The following TNRC6C variants were observed in gnomAD, a reference collection of about 807,000 sequenced individuals.
TNRC6C encodes the protein trinucleotide repeat-containing gene 6C protein.
Under a neutral mutation model 153.7 loss-of-function variants are expected in TNRC6C, and 20 were observed. The ratio of observed to expected loss-of-function variants is 0.13; its 90% CI spans 0.09 to 0.19. The LOEUF is 0.19. Among genes scored for constraint, TNRC6C ranks in the 10% least tolerant of loss-of-function variants. The probability of loss-of-function intolerance (pLI) is 1.00; values close to 1 mark genes in which losing one functional copy is unlikely to be tolerated. For missense variants in TNRC6C, 1,987 were observed against 2,172.0 expected (o/e 0.91, Z 1.69); for synonymous variants, 811 against 841.4 (o/e 0.96, Z 0.63).
chr17:77,967,818 A>T (rs1390719469), intron 1 of TNRC6C, among the ~76,000 whole-genome samples: 2 of 152,234 alleles, frequency 1.3e-5, no homozygotes, highest in Admixed American at 6.5e-5. Context: ...TAATGAGATT[A>T]TTCTGGCCAA....
chr17:77,977,954 G>A (rs1254512498), intron 1 of TNRC6C, among the ~76,000 whole-genome samples: 2 of 144,090 alleles, frequency 1.4e-5, no homozygotes, highest in African/African-American at 5.3e-5. Flanking sequence ...GGAGTGCAGT[G>A]GCGCAATCTC....
At chr17:78,030,333 T>C (rs1361495192) in intron 1 of TNRC6C, among the ~76,000 whole-genome samples, 1 of 151,892 alleles carries the variant, frequency 6.6e-6, no homozygotes, top group African/African-American at 2.4e-5. Context: ...TGCGTGTGTG[T>C]GTGTGTGTGT....
At position 78,049,879 on chromosome 17, in the gene TNRC6C, G is replaced by A; in HGVS notation, c.817G>A (p.Val273Met). ...GTTCAGTCAGGGGAATGGAGACACT[G>A]TGAACTCAGCATTAAGTGCTAAACA... Residue 273 changes from valine (V) to methionine (M), a missense_variant, in exon 3 of 20, where the codon GTG becomes ATG. Physicochemically the swap from Val to Met is conservative, Grantham distance 21. Transcript: ENST00000301624. This position sits in a 1 kb window ranked among gnomAD's most constrained non-coding sequence, Gnocchi z 4.1. 6.2e-7 allele frequency: 1 copy of A among 1,614,070 alleles called. No individual in the cohort carries two copies. Among genetic ancestry groups the A allele is most frequent in the Non-Finnish European group, 8.5e-7 (1 of 1,179,904 alleles).
chr17:78,001,564 A>G (rs2071412366), upstream of TNRC6C, among the ~76,000 whole-genome samples: 1 of 152,236 alleles, frequency 6.6e-6, no homozygotes, highest in African/African-American at 2.4e-5. Flanking sequence ...TGGACATCTC[A>G]GTAGGGGGAG....
At chr17:77,970,381 G>A (rs1567894103) in intron 1 of TNRC6C, among the ~76,000 whole-genome samples, 1 of 152,140 alleles carries the variant, frequency 6.6e-6, no homozygotes, top group African/African-American at 2.4e-5. Context: ...AAGTAGCTGG[G>A]ACCACAGGCA....
chr17:78,090,688 C>A (rs1368870896), intron 13 of TNRC6C, among the ~76,000 whole-genome samples: 1 of 152,178 alleles, frequency 6.6e-6, no homozygotes, highest in East Asian at 1.9e-4. Flanking sequence ...GACAAATAAC[C>A]AGGTACCTGC....
intron 1 of TNRC6C, among the ~76,000 whole-genome samples, chr17:77,982,032 T>C (rs1185201097): frequency 6.6e-6 from 1 of 152,088 alleles, no homozygotes; most frequent in East Asian, 1.9e-4. Context: ...CCCTCACAAA[T>C]GGGATTAGAG....
intron 3 of TNRC6C, among the ~76,000 whole-genome samples, chr17:78,054,343 C>T (rs1880272283): frequency 6.6e-6 from 1 of 152,046 alleles, no homozygotes; most frequent in Admixed American, 6.5e-5. Context: ...CTGCACACTA[C>T]TGCAGACTAC....
chr17:77,960,097 C>T (rs1227102537), intron 1 of TNRC6C, among the ~76,000 whole-genome samples: 1 of 152,090 alleles, frequency 6.6e-6, no homozygotes, highest in African/African-American at 2.4e-5. Flanking sequence ...CGTGGCTGCA[C>T]CTATTGCATT....
upstream of TNRC6C, chr17:78,004,094 G>T: frequency 8.1e-7 from 1 of 1,229,482 alleles, no homozygotes; most frequent in Non-Finnish European, 1.0e-6. Context: ...CTTAAGATTT[G>T]GAGCAGCTAG....
chr17:78,091,714 A>G, intron 14 of TNRC6C, 107 bp downstream of exon 16: 3 of 1,219,876 alleles, frequency 2.5e-6, no homozygotes, highest in Non-Finnish European at 3.1e-6. Flanking sequence ...TTGAGCACTG[A>G]AAGTTGGATT....
At chr17:78,024,169 A>G (rs147671027) in intron 1 of TNRC6C, among the ~76,000 whole-genome samples, 113 of 152,312 alleles carry the variant, frequency 7.4e-4, no homozygotes, top group African/African-American at 2.7e-3. Context: ...AATTGTTAGT[A>G]TGCTAATTGT....
At chr17:77,971,168 G>A (rs868596909) in intron 1 of TNRC6C, among the ~76,000 whole-genome samples, 22 of 152,186 alleles carry the variant, frequency 1.4e-4, no homozygotes, top group African/African-American at 4.8e-4. Context: ...TCTGGAATTT[G>A]TTATCTAAAT....
At chr17:78,050,500 G>A in exon 3 of TNRC6C, 1 of 1,614,024 alleles carries the variant, frequency 6.2e-7, no homozygotes, top group East Asian at 2.2e-5. Flanking sequence ...AGAGGCCTGG[G>A]GTTGTGCAGC....
intron 2 of TNRC6C, 141 bp from the exon 5 acceptor site, chr17:78,048,704 T>C (rs1307889622): frequency 1.2e-6 from 1 of 837,468 alleles, no homozygotes; most frequent in Non-Finnish European, 1.6e-6. Flanking sequence ...AAATAGCTTT[T>C]TTCTTTAAGT....
chr17:77,965,453 G>T (rs2070889670), intron 1 of TNRC6C, among the ~76,000 whole-genome samples: 1 of 152,202 alleles, frequency 6.6e-6, no homozygotes, highest in Non-Finnish European at 1.5e-5. Context: ...TGAATAATTT[G>T]CCCCAAATCA....
rs542798718 is a variant in TNRC6C, at chr17:78,014,575, T to C, written c.-546+9496T>C. Reference sequence around the variant, plus strand: ...AACCTTTTAATGAAATGATTCTTACTGTTTGTAGTCATTATTAAAATAATT... The same window carrying C: ...AACCTTTTAATGAAATGATTCTTACCGTTTGTAGTCATTATTAAAATAATT... On this transcript the variant is annotated intron_variant, in intron 1 of 19. Transcript: ENST00000301624. Among the ~76,000 whole-genome samples the C allele has an allele frequency of 1.1e-4, 16 of 151,372 alleles. 1 individual carries two copies. Among genetic ancestry groups the C allele is most frequent in the Non-Finnish European group, 2.1e-4 (14 of 67,950 alleles).
At position 78,098,365 on chromosome 17, in the gene TNRC6C, G is replaced by A. The variant is rs370201986; in HGVS notation, c.4329G>A (p.Ser1443=). Reference sequence around the variant, plus strand: ...TAGGTAAACTGTCAGACATCAAATCGACGTGGTCCTCTGGCCCTACCTCCC... The same window carrying A: ...TAGGTAAACTGTCAGACATCAAATCAACGTGGTCCTCTGGCCCTACCTCCC... Residue 1443 remains serine, a synonymous_variant, in exon 17 of 20, where the codon TCG becomes TCA. Transcript: ENST00000301624. The A allele has an allele frequency of 2.4e-5, 38 of 1,612,242 alleles. No homozygotes were observed. The African/African-American group carries it at 3.5e-4, about 15-fold the overall frequency.
chr17:78,037,577 G>C (rs931411668), intron 2 of TNRC6C, among the ~76,000 whole-genome samples: 1 of 152,214 alleles, frequency 6.6e-6, no homozygotes, highest in Non-Finnish European at 1.5e-5. Flanking sequence ...GGGCGTCGCA[G>C]ATGGAGTGAC....
Sources: gnomAD v4.1 joint callset for allele counts (sites outside exome capture counted in the v4.1 genomes callset) on GRCh38, gnomAD v4.1.1 for gene constraint, Gnocchi (gnomAD v3.1) non-coding constraint, MANE v1.5 for transcripts, NCBI Gene and HGNC (gene_info 2026-07-23, HGNC 2026-07-21) for gene names.